Variants in MALRD1 observed in about 807,000 individuals in gnomAD.
MALRD1 encodes MAM and LDL receptor class A domain containing 1, also known as MAM and LDL-receptor class A domain-containing protein 1.
In MALRD1, 247 loss-of-function variants were observed where a neutral mutation model predicts 242.1. The observed-to-expected ratio is 1.02, with a 90% CI of 0.92 to 1.13. MALRD1 has a LOEUF of 1.13. Ranked by LOEUF, MALRD1 falls within the 50% of genes most tolerant of loss-of-function variation. The probability of loss-of-function intolerance (pLI) is 0.00; values close to 1 mark genes in which losing one functional copy is unlikely to be tolerated. For synonymous variants in MALRD1, 995 were observed against 866.6 expected (o/e 1.15, Z -2.60); for missense variants, 2,989 against 2,533.1 (o/e 1.18, Z -3.86).
chr10:19,707,702 G>C (rs1304010565), intron 38 of MALRD1, among the ~76,000 whole-genome samples: 4 of 138,090 alleles, frequency 2.9e-5, no homozygotes, highest in African/African-American at 1.0e-4. Flanking sequence ...TAATCCCAGT[G>C]CTTTGGGAGG....
At chr10:19,588,576 G>C (rs939061822) in intron 33 of MALRD1, among the ~76,000 whole-genome samples, 1 of 152,150 alleles carries the variant, frequency 6.6e-6, no homozygotes, top group Non-Finnish European at 1.5e-5. Context: ...ATTTTCTGTT[G>C]TTTCAGAATC....
chr10:19,482,912 A>T (rs934171470), intron 29 of MALRD1, among the ~76,000 whole-genome samples: 28 of 152,056 alleles, frequency 1.8e-4, no homozygotes, highest in African/African-American at 6.3e-4. Flanking sequence ...CAAAAAATTA[A>T]TATCATTTTT....
At chr10:19,375,307 A>G (rs1456554874) in intron 26 of MALRD1, among the ~76,000 whole-genome samples, 4 of 152,218 alleles carry the variant, frequency 2.6e-5, no homozygotes, top group Non-Finnish European at 5.9e-5. Context: ...ACTAATTGCA[A>G]CAATAGAGGA....
chr10:19,235,952 T>C lies in MALRD1; in HGVS notation c.2992-21732T>C, dbSNP rs138733562. On this transcript the variant is annotated intron_variant, in intron 18 of 39. Coordinates refer to ENST00000454679, the MANE Select transcript of MALRD1 (RefSeq NM_001142308.3). ...ATAAAGAAAGAAATTGGTTGAAGAC[T>C]AGGGGAAGAGTATAGAGCAAAGAAA... Among the ~76,000 whole-genome samples, 728 of 152,180 alleles carry C rather than the reference T, an allele frequency of 4.8e-3. 2 individuals are homozygous for C. The highest frequency in any genetic ancestry group is 7.2e-3 in the Non-Finnish European group (488 of 68,000).
At chr10:19,491,303 G>A in intron 29 of MALRD1, 1 of 711,790 alleles carries the variant, frequency 1.4e-6, no homozygotes, top group Non-Finnish European at 2.3e-6. Context: ...CCATCAAAGT[G>A]CATAAAAGAT....
At chr10:19,067,320 A>G (rs960167994) in intron 2 of MALRD1, among the ~76,000 whole-genome samples, 2 of 152,170 alleles carry the variant, frequency 1.3e-5, no homozygotes, top group Non-Finnish European at 2.9e-5. Flanking sequence ...ACTTTGAGGT[A>G]GCTCTGGAGC....
intron 26 of MALRD1, among the ~76,000 whole-genome samples, chr10:19,365,392 G>T (rs753763249): frequency 6.6e-6 from 1 of 151,964 alleles, no homozygotes; most frequent in East Asian, 1.9e-4. Flanking sequence ...GGTTTAGGTT[G>T]GAAGTTATTT....
At chr10:19,073,941 T>G (rs1835237738) in intron 2 of MALRD1, among the ~76,000 whole-genome samples, 1 of 152,112 alleles carries the variant, frequency 6.6e-6, no homozygotes, top group South Asian at 2.1e-4. Context: ...AGTTGAAAGA[T>G]GAGCAGTATT....
intron 18 of MALRD1, among the ~76,000 whole-genome samples, chr10:19,251,468 C>A (rs1481254225): frequency 2.6e-5 from 4 of 151,962 alleles, no homozygotes; most frequent in Non-Finnish European, 4.4e-5. Context: ...GTCTGACATG[C>A]AGGTAAACAT....
At position 19,498,567 on chromosome 10, in the gene MALRD1, C is replaced by T. The variant is rs545595686; in HGVS notation, c.5241C>T (p.Asp1747=). ...CCACAGCCTGCAGTCTTACTCAAGA[C>T]TCTGAGGATGACTTGGACTGGGCCA... The part of the protein sequence containing the change: ...NWTTACSLTQ[D]SEDDLDWAIG... The change falls in exon 31 of 40, where the codon GAC becomes GAT. Residue 1747 remains aspartate (D), a synonymous_variant. Coordinates refer to ENST00000454679, the MANE Select transcript of MALRD1 (RefSeq NM_001142308.3). 192 of 1,550,312 alleles carry T rather than the reference C, an allele frequency of 1.2e-4. No individual in the cohort carries two copies. In the African/African-American group the frequency reaches 2.3e-3, roughly 18 times the overall value.
chr10:19,173,050 A>G (rs11008767), intron 13 of MALRD1, among the ~76,000 whole-genome samples: 15,255 of 152,070 alleles, frequency 0.1, 822 homozygotes, highest in East Asian at 0.18. Context: ...AATTGCAAAT[A>G]AAGCAACAGT....
At chr10:19,168,934 T>G (rs1834808791) in intron 13 of MALRD1, among the ~76,000 whole-genome samples, 1 of 152,104 alleles carries the variant, frequency 6.6e-6, no homozygotes, top group South Asian at 2.1e-4. Flanking sequence ...CAGCACACAT[T>G]TATTTGGGAA....
intron 18 of MALRD1, among the ~76,000 whole-genome samples, chr10:19,248,107 C>G (rs1284409550): frequency 6.6e-6 from 1 of 151,972 alleles, no homozygotes; most frequent in East Asian, 1.9e-4. Context: ...GATTGGCAGA[C>G]AGTCGGTTAC....
intron 32 of MALRD1, among the ~76,000 whole-genome samples, chr10:19,535,110 T>C (rs1316090012): frequency 6.6e-6 from 1 of 152,122 alleles, no homozygotes; most frequent in Non-Finnish European, 1.5e-5. Flanking sequence ...GGTCTTAATC[T>C]CCTGACCTAG....
At chr10:19,711,966 A>C (rs1269974764) in intron 38 of MALRD1, among the ~76,000 whole-genome samples, 1 of 152,190 alleles carries the variant, frequency 6.6e-6, no homozygotes, top group Non-Finnish European at 1.5e-5. Flanking sequence ...GCAGGTGGTC[A>C]GTTGGAAAAT....
intron 28 of MALRD1, among the ~76,000 whole-genome samples, chr10:19,411,347 C>T (rs1267772260): frequency 6.6e-6 from 1 of 152,144 alleles, no homozygotes; most frequent in Non-Finnish European, 1.5e-5. Context: ...GCTAGCATTT[C>T]CCTGGTGCTC....
At chr10:19,078,005 A>T (rs1835369300) in intron 2 of MALRD1, among the ~76,000 whole-genome samples, 1 of 151,922 alleles carries the variant, frequency 6.6e-6, no homozygotes, top group Admixed American at 6.6e-5. Flanking sequence ...GTAGTTCTTG[A>T]TGCTATTATT....
At chr10:19,244,281 G>C (rs973703988) in intron 18 of MALRD1, among the ~76,000 whole-genome samples, 1 of 152,080 alleles carries the variant, frequency 6.6e-6, no homozygotes, top group Non-Finnish European at 1.5e-5. Flanking sequence ...TTGATGTTTA[G>C]AAGTTTAGTT....
intron 36 of MALRD1, among the ~76,000 whole-genome samples, chr10:19,687,127 A>AT (rs543368637): frequency 8.8e-4 from 134 of 152,016 alleles, no homozygotes; most frequent in African/African-American, 2.7e-3. Context: ...CGTATCTAAC[A>AT]TTTTTTTTCT....
Sources: allele counts gnomAD v4.1 joint callset (sites outside exome capture counted in the v4.1 genomes callset), GRCh38; gene constraint gnomAD v4.1.1; transcripts MANE v1.5; gene names NCBI Gene and HGNC (gene_info 2026-07-23, HGNC 2026-07-21).